Variants in RANBP10 observed in about 807,000 individuals in gnomAD.
The protein encoded by RANBP10 is ran-binding protein 10.
Under a neutral mutation model 72.8 loss-of-function variants are expected in RANBP10, and 24 were observed. The ratio of observed to expected loss-of-function variants is 0.33; its 90% CI spans 0.24 to 0.46. RANBP10 has a LOEUF of 0.46. Among genes scored for constraint, RANBP10 ranks in the 20% least tolerant of loss-of-function variants. The pLI, the probability that RANBP10 is intolerant of heterozygous loss-of-function variation, is 1.00. For synonymous variants in RANBP10, 310 were observed against 322.3 expected (o/e 0.96, Z 0.41); for missense variants, 679 against 817.5 (o/e 0.83, Z 2.07).
At chr16:67,741,265 G>C (rs1223628325) in intron 4 of RANBP10, among the ~76,000 whole-genome samples, 1 of 152,154 alleles carries the variant, frequency 6.6e-6, no homozygotes, top group Non-Finnish European at 1.5e-5. Flanking sequence ...ACCTACCCAG[G>C]CTTGCCCAAC....
At chr16:67,733,496 C>A (rs2053776094) in intron 6 of RANBP10, among the ~76,000 whole-genome samples, 1 of 152,178 alleles carries the variant, frequency 6.6e-6, no homozygotes. Flanking sequence ...ATTACCTGAC[C>A]TTCCACTAGA....
At chr16:67,740,859 A>G (rs2053955877) in intron 4 of RANBP10, among the ~76,000 whole-genome samples, 1 of 152,044 alleles carries the variant, frequency 6.6e-6, no homozygotes, top group Non-Finnish European at 1.5e-5. Flanking sequence ...AGTCGGCATG[A>G]CTCTGGCATG....
chr16:67,783,765 T>C (rs1455763401), intron 2 of RANBP10, among the ~76,000 whole-genome samples: 1 of 152,052 alleles, frequency 6.6e-6, no homozygotes, highest in Non-Finnish European at 1.5e-5. Flanking sequence ...GACATCAGGC[T>C]GAGTGCGGTG....
At chr16:67,776,014 G>A (rs1221529695) in intron 2 of RANBP10, among the ~76,000 whole-genome samples, 4 of 151,672 alleles carry the variant, frequency 2.6e-5, no homozygotes, top group African/African-American at 9.7e-5. Flanking sequence ...GCATGGTGGT[G>A]GGTGCCTGTA....
intron 3 of RANBP10, among the ~76,000 whole-genome samples, chr16:67,759,343 C>T (rs978211591): frequency 7.2e-5 from 11 of 152,230 alleles, no homozygotes; most frequent in Non-Finnish European, 2.9e-5. Context: ...TGAACAGCTG[C>T]TCCAGCTAAT....
intron 2 of RANBP10, among the ~76,000 whole-genome samples, chr16:67,802,759 A>G (rs2055260030): frequency 6.6e-6 from 1 of 152,216 alleles, no homozygotes. Flanking sequence ...CAACACCTAT[A>G]GTTCACCAAT....
At chr16:67,806,014 C>G (rs1052746234) in intron 1 of RANBP10, among the ~76,000 whole-genome samples, 1 of 152,248 alleles carries the variant, frequency 6.6e-6, no homozygotes, top group African/African-American at 2.4e-5. Flanking sequence ...GTCCCGCTGC[C>G]GTTGGCGCCA....
chr16:67,763,717 CAG>C (rs2143010562), intron 3 of RANBP10, among the ~76,000 whole-genome samples: 3 of 152,274 alleles, frequency 2.0e-5, no homozygotes, highest in South Asian at 4.1e-4. Flanking sequence ...TTGTTTGAGA[CAG>C]AGTCTCACTC....
intron 2 of RANBP10, among the ~76,000 whole-genome samples, chr16:67,800,690 G>A (rs913690023): frequency 1.3e-5 from 2 of 152,120 alleles, no homozygotes; most frequent in Admixed American, 6.6e-5. Flanking sequence ...TCGGCAAAAT[G>A]CAGTTGAAGC....
At chr16:67,728,166 C>G (rs2053646508) in intron 11 of RANBP10, among the ~76,000 whole-genome samples, 1 of 152,234 alleles carries the variant, frequency 6.6e-6, no homozygotes, top group Non-Finnish European at 1.5e-5. Flanking sequence ...CTCTCGAACA[C>G]CCTCCAGCCT....
chr16:67,729,373 G>A lies in RANBP10; in HGVS notation c.1259C>T (p.Ser420Phe), dbSNP rs763986368. The A allele has an allele frequency of 1.5e-5, 24 of 1,613,140 alleles. No homozygotes were observed. In the African/African-American group the frequency reaches 3.1e-4, roughly 21 times the overall value. The change falls in exon 10 of 14, where the codon TCC (serine) becomes TTC (phenylalanine). Residue 420 changes from serine to phenylalanine, a missense_variant. Physicochemically the swap from Ser to Phe is radical, Grantham distance 155. Transcript: ENST00000317506. This position sits in a 1 kb window ranked among gnomAD's most constrained non-coding sequence, Gnocchi z 7.1. ...SSSSSSSSSSSSSPSSVNYSE... is the reference protein window; with the variant it reads ...SSSSSSSSSSFSSPSSVNYSE... Reference sequence around the variant, plus strand: ...GTAATTGACGGAGGATGGGGAAGAGGACGAGGAGGAGGAGGAGGACGAGGA... The same window carrying A: ...GTAATTGACGGAGGATGGGGAAGAGAACGAGGAGGAGGAGGAGGACGAGGA...
At chr16:67,799,343 A>C (rs532093909) in intron 2 of RANBP10, among the ~76,000 whole-genome samples, 2 of 140,910 alleles carry the variant, frequency 1.4e-5, no homozygotes, top group African/African-American at 5.5e-5. Context: ...GCTGGAGTGC[A>C]GTGGCGCGAT....
chr16:67,731,689 C>T (rs185465850), intron 6 of RANBP10, 105 bp from the exon 7 acceptor site: 33 of 757,580 alleles, frequency 4.4e-5, no homozygotes, highest in East Asian at 2.5e-4. Flanking sequence ...TCCCTAAACA[C>T]GTCCTGGAGG....
intron 11 of RANBP10, 53 bp from the exon 12 acceptor site, chr16:67,727,949 C>A: frequency 6.3e-7 from 1 of 1,598,440 alleles, no homozygotes; most frequent in African/African-American, 1.3e-5. Context: ...GAGGGAAGGG[C>A]AGGACTAGGG....
chr16:67,738,295 G>A (rs1346750705), intron 4 of RANBP10, among the ~76,000 whole-genome samples: 3 of 151,746 alleles, frequency 2.0e-5, no homozygotes, highest in African/African-American at 7.3e-5. Flanking sequence ...CCACCACCAC[G>A]CCTGGCTAAT....
At chr16:67,775,094 T>C (rs866771980) in intron 2 of RANBP10, among the ~76,000 whole-genome samples, 4 of 151,982 alleles carry the variant, frequency 2.6e-5, no homozygotes, top group Non-Finnish European at 4.4e-5. Context: ...GGTGGATCAC[T>C]TGAGGTCAGG....
rs1053332820 is a variant in RANBP10 at position 67,794,759 on chromosome 16, A to C, written c.347+10669T>G. On this transcript the variant is annotated intron_variant, in intron 2 of 13. Coordinates refer to ENST00000317506, the MANE Select transcript of RANBP10 (RefSeq NM_020850.3). The stretch of plus-strand genomic sequence containing the variant: ...AGGATGGTCTTGATCTCCTGACCTC[A>C]TGATCCACCTGCCTCAGCCTCCCAA... 3.3e-5 allele frequency among the ~76,000 whole-genome samples: 5 copies of C among 150,458 alleles called. No individual in the cohort carries two copies. The East Asian group carries it at 1.0e-3, about 30-fold the overall frequency.
chr16:67,728,663 GC>G, intron 10 of RANBP10, 152 bp from the exon 11 acceptor site: 3 of 1,399,590 alleles, frequency 2.1e-6, no homozygotes, highest in African/African-American at 1.4e-5. Context: ...CAAGTCTTCA[GC>G]ACTTGGCCCC....
chr16:67,793,519 T>G (rs1469741901), intron 2 of RANBP10, among the ~76,000 whole-genome samples: 1 of 151,894 alleles, frequency 6.6e-6, no homozygotes, highest in Non-Finnish European at 1.5e-5. Flanking sequence ...ACCATGTTGG[T>G]CACGCTGGTC....
Sources: allele counts gnomAD v4.1 joint callset (sites outside exome capture counted in the v4.1 genomes callset), GRCh38; gene constraint gnomAD v4.1.1; non-coding constraint Gnocchi (gnomAD v3.1); transcripts MANE v1.5; gene names NCBI Gene and HGNC (gene_info 2026-07-23, HGNC 2026-07-21).